The following HLCS variants were observed in gnomAD, a reference collection of about 807,000 sequenced individuals.
HLCS encodes holocarboxylase synthetase.
Under a neutral mutation model 75.0 loss-of-function variants are expected in HLCS, and 53 were observed. That is an observed-to-expected ratio of 0.71 (90% CI 0.57 to 0.89). The LOEUF is 0.89. HLCS is among the 40% of genes least tolerant of loss of function. The pLI is 0.00. For missense variants in HLCS, 966 were observed against 1,074.0 expected (o/e 0.90, Z 1.41); for synonymous variants, 431 against 428.6 (o/e 1.01, Z -0.07).
intron 5 of HLCS, among the ~76,000 whole-genome samples, chr21:36,903,645 T>A (rs2065329550): frequency 6.6e-6 from 1 of 152,160 alleles, no homozygotes; most frequent in Admixed American, 6.5e-5. Flanking sequence ...ACAGGAATAA[T>A]GCAGGAATTA....
At chr21:36,765,229 CACACG>C in intron 7 of HLCS, 57 bp from the exon 8 acceptor site, 1 of 1,533,586 alleles carries the variant, frequency 6.5e-7, no homozygotes, top group Non-Finnish European at 9.0e-7. Flanking sequence ...CAGACGCAGA[CACACG>C]TCATGCCAGG....
intron 6 of HLCS, among the ~76,000 whole-genome samples, chr21:36,780,690 G>A (rs542587391): frequency 6.6e-6 from 1 of 152,168 alleles, no homozygotes; most frequent in South Asian, 2.1e-4. Context: ...GTAAATTGCT[G>A]GAAGTGGGAT....
intron 6 of HLCS, among the ~76,000 whole-genome samples, chr21:36,868,293 A>AAGAAAGAAAGAAAG (rs145023294): frequency 4.0e-5 from 6 of 148,574 alleles, no homozygotes; most frequent in East Asian, 2.0e-4. Flanking sequence ...GAAAGAAAGA[A>AAGAAAGAAAGAAAG]AAAGAAAAAC....
intron 1 of HLCS, among the ~76,000 whole-genome samples, chr21:36,978,229 T>C (rs34710014): frequency 0.51 from 77,967 of 151,984 alleles, 20,565 homozygotes; most frequent in African/African-American, 0.65. Context: ...AACGCGGTGG[T>C]TCATGCCTGT....
At chr21:36,882,620 C>CTTTTT (rs35012674) in intron 6 of HLCS, among the ~76,000 whole-genome samples, 3 of 104,448 alleles carry the variant, frequency 2.9e-5, no homozygotes, top group Non-Finnish European at 5.5e-5. Context: ...TTCTTTCTTT[C>CTTTTT]TTTTTTTTTT....
chr21:36,889,725 CCAGACACAGACA>C (rs755033292), intron 6 of HLCS, among the ~76,000 whole-genome samples: 1 of 152,138 alleles, frequency 6.6e-6, no homozygotes, highest in Admixed American at 6.5e-5. Flanking sequence ...GTTCACTGTC[CCAGACACAGACA>C]CAGACACAGA....
chr21:36,766,944 G>A (rs982453518), intron 7 of HLCS, among the ~76,000 whole-genome samples: 2 of 152,134 alleles, frequency 1.3e-5, no homozygotes, highest in African/African-American at 2.4e-5. Flanking sequence ...TGGAAAGCCC[G>A]GAATTCATGT....
At chr21:36,899,547 C>T (rs1249800460) in intron 5 of HLCS, among the ~76,000 whole-genome samples, 1 of 152,102 alleles carries the variant, frequency 6.6e-6, no homozygotes, top group Non-Finnish European at 1.5e-5. Flanking sequence ...TCTCTTGAAC[C>T]CAGGTGGCGG....
At chr21:36,965,322 AAC>A (rs2068509579) in intron 1 of HLCS, among the ~76,000 whole-genome samples, 1 of 152,224 alleles carries the variant, frequency 6.6e-6, no homozygotes, top group South Asian at 2.1e-4. Context: ...TTAAAAGCAA[AAC>A]ACGTTTAAAT....
In HLCS at chr21:36,787,180, T is replaced by C. The variant is rs2060713435; in HGVS notation, c.1893-19895A>G. Among the ~76,000 whole-genome samples, 4 of 152,222 alleles carry C rather than the reference T, an allele frequency of 2.6e-5. No individual in the cohort carries two copies. In the South Asian group the frequency reaches 8.3e-4, roughly 32 times the overall value. On this transcript the variant is annotated intron_variant, in intron 6 of 10. Transcript: ENST00000674895. Reference sequence around the variant, plus strand: ...ACGCGTGAGCATGGGGCTGTGGGTGTCGGTGTGCCTCAGCACTGCCACGTC... The same window carrying C: ...ACGCGTGAGCATGGGGCTGTGGGTGCCGGTGTGCCTCAGCACTGCCACGTC...
chr21:36,823,610 GGT>G (rs59724760), intron 6 of HLCS, among the ~76,000 whole-genome samples: 1,801 of 132,370 alleles, frequency 0.014, 15 homozygotes, highest in African/African-American at 0.025. Context: ...AAACGTGCAG[GGT>G]GTGTGTGTGT....
At chr21:36,963,716 C>T (rs2068428459) in intron 1 of HLCS, among the ~76,000 whole-genome samples, 1 of 152,134 alleles carries the variant, frequency 6.6e-6, no homozygotes, top group Non-Finnish European at 1.5e-5. Flanking sequence ...CGTGCCATTG[C>T]ACTCTAGCCT....
At chr21:36,860,412 A>C (rs1740846605) in intron 6 of HLCS, among the ~76,000 whole-genome samples, 1 of 151,280 alleles carries the variant, frequency 6.6e-6, no homozygotes, top group South Asian at 2.1e-4. Context: ...CAAACTAGCC[A>C]CTAAAAGTGG....
chr21:36,782,509 T>C, intron 6 of HLCS, among the ~76,000 whole-genome samples: 1 of 152,128 alleles, frequency 6.6e-6, no homozygotes, highest in East Asian at 1.9e-4. Context: ...AGACCTGACC[T>C]CCTTAAGAGG....
chr21:36,969,203 C>G (rs2068718486), upstream of HLCS, among the ~76,000 whole-genome samples: 1 of 152,094 alleles, frequency 6.6e-6, no homozygotes, highest in Non-Finnish European at 1.5e-5. Context: ...TTTCATTTTG[C>G]AAAGGTCAAG....
At chr21:36,863,115 G>T (rs1230863047) in intron 6 of HLCS, among the ~76,000 whole-genome samples, 1 of 152,024 alleles carries the variant, frequency 6.6e-6, no homozygotes, top group Non-Finnish European at 1.5e-5. Context: ...AGAAATGTAT[G>T]TTCAGTCATA....
intron 6 of HLCS, among the ~76,000 whole-genome samples, chr21:36,865,150 G>A (rs546481635): frequency 6.6e-6 from 1 of 151,334 alleles, no homozygotes; most frequent in Non-Finnish European, 1.5e-5. Context: ...GAAGAAAACA[G>A]GCTGATACCC....
At chr21:36,882,134 T>C (rs2146275056) in intron 6 of HLCS, among the ~76,000 whole-genome samples, 1 of 150,638 alleles carries the variant, frequency 6.6e-6, no homozygotes, top group Admixed American at 6.6e-5. Context: ...TACAAAAAAT[T>C]AGCCGGGCGT....
intron 6 of HLCS, among the ~76,000 whole-genome samples, chr21:36,821,692 T>TA (rs1198726997): frequency 6.6e-6 from 1 of 152,208 alleles, no homozygotes; most frequent in Non-Finnish European, 1.5e-5. Context: ...AGCATGTGTT[T>TA]AAAGACACAA....
Sources: gnomAD v4.1 joint callset for allele counts (sites outside exome capture counted in the v4.1 genomes callset) on GRCh38, gnomAD v4.1.1 for gene constraint, MANE v1.5 for transcripts, NCBI Gene and HGNC (gene_info 2026-07-23, HGNC 2026-07-21) for gene names.